IPO11: variants seen among roughly 807,000 people sequenced by gnomAD.
The protein encoded by IPO11 is importin 11, also known as importin-11.
Under a neutral mutation model 143.2 loss-of-function variants are expected in IPO11, and 66 were observed. That is an observed-to-expected ratio of 0.46 (90% CI 0.38 to 0.57). The LOEUF (loss-of-function observed/expected upper bound fraction) is 0.57. IPO11 is among the 20% of genes least tolerant of loss of function. The pLI, the probability that IPO11 is intolerant of heterozygous loss-of-function variation, is 0.00. For missense variants in IPO11, 1,026 were observed against 1,141.0 expected (o/e 0.90, Z 1.45); for synonymous variants, 385 against 377.8 (o/e 1.02, Z -0.22).
At chr5:62,561,446 T>A (rs888759825) in intron 27 of IPO11, among the ~76,000 whole-genome samples, 189 bp downstream of exon 27, 4 of 151,714 alleles carry the variant, frequency 2.6e-5, no homozygotes, top group Non-Finnish European at 4.4e-5. Context: ...GGATAGGTAC[T>A]GTTGGATTGT....
chr5:62,610,555 T>C (rs1379496664), intron 29 of IPO11, among the ~76,000 whole-genome samples: 1 of 152,202 alleles, frequency 6.6e-6, no homozygotes, highest in African/African-American at 2.4e-5. Context: ...GCCCAGTTTA[T>C]AAAAATGTGT....
At chr5:62,545,523 C>G (rs1456985143) in intron 24 of IPO11, among the ~76,000 whole-genome samples, 1 of 152,160 alleles carries the variant, frequency 6.6e-6, no homozygotes, top group Non-Finnish European at 1.5e-5. Context: ...CAATACAATT[C>G]AGGACATAGG....
chr5:62,587,711 A>G (rs1365662994), intron 27 of IPO11, among the ~76,000 whole-genome samples: 1 of 152,174 alleles, frequency 6.6e-6, no homozygotes, highest in East Asian at 1.9e-4. Context: ...AGAAATGGTG[A>G]TGATGCTGAC....
chr5:62,612,376 C>G (rs1745956134), intron 29 of IPO11, among the ~76,000 whole-genome samples: 2 of 152,176 alleles, frequency 1.3e-5, no homozygotes, highest in South Asian at 2.1e-4. Context: ...AGTGTAGTTT[C>G]AAAGAAGAAT....
chr5:62,443,197 A>G (rs968698453), intron 3 of IPO11, 114 bp downstream of exon 3: 11 of 584,708 alleles, frequency 1.9e-5, no homozygotes, highest in Non-Finnish European at 3.0e-5. Context: ...TGCAGCACAT[A>G]TACTAAAATT....
At chr5:62,431,562 G>A (rs2112117109) in intron 1 of IPO11, among the ~76,000 whole-genome samples, 1 of 152,078 alleles carries the variant, frequency 6.6e-6, no homozygotes, top group South Asian at 2.1e-4. Flanking sequence ...TCCTGCTTAG[G>A]AGGAGTTACA....
At chr5:62,441,427 C>T (rs1435143556) in intron 2 of IPO11, among the ~76,000 whole-genome samples, 2 of 145,736 alleles carry the variant, frequency 1.4e-5, no homozygotes, top group African/African-American at 5.1e-5. Context: ...GAACCTTTGA[C>T]CTCAGGTGAT....
At chr5:62,456,662 A>T (rs1580200481) in intron 5 of IPO11, among the ~76,000 whole-genome samples, 1 of 152,236 alleles carries the variant, frequency 6.6e-6, no homozygotes, top group African/African-American at 2.4e-5. Flanking sequence ...CTTCTGTCTT[A>T]ACAGTCACTC....
chr5:62,473,934 A>T (rs1254914821), intron 7 of IPO11, among the ~76,000 whole-genome samples: 1 of 152,154 alleles, frequency 6.6e-6, no homozygotes, highest in Non-Finnish European at 1.5e-5. Context: ...AATAATTGGT[A>T]CCATGTGTTC....
At chr5:62,483,922 AGT>A (rs1248983404) in intron 10 of IPO11, 86 bp from the exon 11 acceptor site, 2 of 1,086,758 alleles carry the variant, frequency 1.8e-6, no homozygotes, top group Admixed American at 5.2e-5. Context: ...CTTCCCTGAG[AGT>A]GTATTTTTTA....
chr5:62,435,642 A>G (rs1037827263), intron 1 of IPO11, among the ~76,000 whole-genome samples: 50 of 150,556 alleles, frequency 3.3e-4, no homozygotes, highest in African/African-American at 1.2e-3. Flanking sequence ...TTGGGTGGCC[A>G]AGGACCTGGC....
At chr5:62,514,603 CG>C (rs1395448122) in intron 19 of IPO11, among the ~76,000 whole-genome samples, 3 of 132,306 alleles carry the variant, frequency 2.3e-5, no homozygotes, top group African/African-American at 9.6e-5. Flanking sequence ...GAGAGGGAGA[CG>C]GGAGAGGGAG....
chr5:62,545,696 T>C (rs1308117821), intron 24 of IPO11, among the ~76,000 whole-genome samples: 4 of 152,272 alleles, frequency 2.6e-5, no homozygotes. Flanking sequence ...CTTTGCAACC[T>C]ACTCATCTGA....
At chr5:62,594,327 C>T (rs971703482) in intron 28 of IPO11, among the ~76,000 whole-genome samples, 6 of 152,132 alleles carry the variant, frequency 3.9e-5, no homozygotes, top group Non-Finnish European at 8.8e-5. Flanking sequence ...TGATCATGTC[C>T]CTCCAGTGTG....
intron 24 of IPO11, among the ~76,000 whole-genome samples, chr5:62,547,980 T>C (rs772506152): frequency 9.9e-5 from 15 of 151,988 alleles, no homozygotes; most frequent in Non-Finnish European, 2.2e-4. Context: ...TTAGTGCTTG[T>C]AGCCAATTGA....
chr5:62,428,220 TG>T (rs1401790528), intron 1 of IPO11, among the ~76,000 whole-genome samples: 1 of 152,122 alleles, frequency 6.6e-6, no homozygotes, highest in South Asian at 2.1e-4. Flanking sequence ...TAAAGAGACA[TG>T]GTGTCATTAT....
At chr5:62,460,876 CTT>C (rs1745337241) in intron 5 of IPO11, among the ~76,000 whole-genome samples, 1 of 152,136 alleles carries the variant, frequency 6.6e-6, no homozygotes, top group Non-Finnish European at 1.5e-5. Context: ...ATTACTTACT[CTT>C]TTCCAGCTGA....
chr5:62,488,449 A>G (rs901612550), intron 13 of IPO11, among the ~76,000 whole-genome samples: 7 of 152,172 alleles, frequency 4.6e-5, no homozygotes, highest in African/African-American at 1.4e-4. Flanking sequence ...TTAGCAACCG[A>G]TTGAATGTGC....
chr5:62,619,739 C>G (rs190998667), intron 29 of IPO11, among the ~76,000 whole-genome samples: 4 of 151,648 alleles, frequency 2.6e-5, no homozygotes, highest in Admixed American at 2.6e-4. Context: ...TGTAGTCCCA[C>G]CTAGTCGGGA....
Sources: gnomAD v4.1 joint callset for allele counts (sites outside exome capture counted in the v4.1 genomes callset) on GRCh38, gnomAD v4.1.1 for gene constraint, MANE v1.5 for transcripts, NCBI Gene and HGNC (gene_info 2026-07-23, HGNC 2026-07-21) for gene names.